The following DPY19L4 variants were observed in gnomAD, a reference collection of about 807,000 sequenced individuals.
DPY19L4 encodes the protein dpy-19 like 4, also known as probable C-mannosyltransferase DPY19L4.
DPY19L4 carries 97 observed loss-of-function variants against 102.8 expected under a neutral mutation model. That is an observed-to-expected ratio of 0.94 (90% CI 0.80 to 1.12). The LOEUF (loss-of-function observed/expected upper bound fraction) is 1.12. DPY19L4 is among the 50% of genes most tolerant of loss of function. The pLI is 0.00. For synonymous variants in DPY19L4, 252 were observed against 283.1 expected (o/e 0.89, Z 1.10); for missense variants, 815 against 850.4 (o/e 0.96, Z 0.52).
At chr8:94,761,571 CAA>C in intron 7 of DPY19L4, 127 bp from the exon 8 acceptor site, 2 of 793,394 alleles carry the variant, frequency 2.5e-6, no homozygotes, top group Non-Finnish European at 1.7e-6. Context: ...GATTTAAAAA[CAA>C]AGTTTCAATA....
At chr8:94,747,858 C>T (rs1811751157) in intron 6 of DPY19L4, among the ~76,000 whole-genome samples, 1 of 152,036 alleles carries the variant, frequency 6.6e-6, no homozygotes, top group Admixed American at 6.6e-5. Context: ...CCGCGCTGGG[C>T]CTATACTATG....
chr8:94,722,696 GTTTA>G (rs774686092), intron 1 of DPY19L4, among the ~76,000 whole-genome samples: 3 of 152,058 alleles, frequency 2.0e-5, no homozygotes, highest in Non-Finnish European at 4.4e-5. Context: ...AGTGTTTTAT[GTTTA>G]TTTGTCACTC....
In DPY19L4 at chr8:94,791,580, C is replaced by T. The variant is rs1813888879; in HGVS notation, c.*1670C>T. On this transcript the variant is annotated 3_prime_UTR_variant, in exon 19 of 19. Coordinates refer to ENST00000414645, the MANE Select transcript of DPY19L4 (RefSeq NM_181787.3). ...ATATAACCATAGTTACCTAAGCACA[C>T]AGTGAATAGTCACATGGTAGTACTT... 6.6e-6 allele frequency: 1 copy of T among 152,010 alleles called. No homozygotes were observed. The highest frequency in any genetic ancestry group is 2.1e-4 in the South Asian group (1 of 4,826). 9.4% of individuals were successfully genotyped at this position (152,010 alleles called of 1,614,324 possible). A position where few individuals can be genotyped will look rare whatever the true frequency, so the allele number is the denominator to read the frequency against.
rs957562205 is a variant in DPY19L4, at chr8:94,726,116, T to A, written c.17-215T>A. Among the ~76,000 whole-genome samples, 8 of 152,324 alleles carry A rather than the reference T, an allele frequency of 5.3e-5. No individual in the cohort carries two copies. In the East Asian group the frequency reaches 1.2e-3, roughly 22 times the overall value. Reference sequence around the variant, plus strand: ...GAGCACATTGGTTTACTATTAGGATTGTCAAAACACAGATTGGGAAGTGGA... The same window carrying A: ...GAGCACATTGGTTTACTATTAGGATAGTCAAAACACAGATTGGGAAGTGGA... On this transcript the variant is annotated intron_variant, in intron 1 of 18. Coordinates refer to ENST00000414645, the MANE Select transcript of DPY19L4 (RefSeq NM_181787.3).
At chr8:94,724,285 C>T (rs979668077) in intron 1 of DPY19L4, among the ~76,000 whole-genome samples, 2 of 152,204 alleles carry the variant, frequency 1.3e-5, no homozygotes, top group African/African-American at 2.4e-5. Context: ...AATGCTATTA[C>T]GTGATTAATC....
At chr8:94,733,552 A>AT (rs1472565069) in intron 2 of DPY19L4, among the ~76,000 whole-genome samples, 3 of 149,340 alleles carry the variant, frequency 2.0e-5, no homozygotes, top group South Asian at 2.1e-4. Flanking sequence ...GTATTTTATT[A>AT]TTTTTTTGAG....
At chr8:94,759,856 T>C (rs1313295905) in intron 7 of DPY19L4, among the ~76,000 whole-genome samples, 1 of 152,244 alleles carries the variant, frequency 6.6e-6, no homozygotes, top group Non-Finnish European at 1.5e-5. Context: ...TTCTTGAGGC[T>C]AAGTTTCGTG....
intron 18 of DPY19L4, among the ~76,000 whole-genome samples, chr8:94,788,499 A>G (rs1415587080): frequency 3.3e-5 from 5 of 152,240 alleles, no homozygotes; most frequent in Admixed American, 3.3e-4. Flanking sequence ...GTGCCTGTAC[A>G]TTGAGTCCCT....
chr8:94,759,307 A>T (rs1812300344), intron 7 of DPY19L4, among the ~76,000 whole-genome samples: 1 of 151,810 alleles, frequency 6.6e-6, no homozygotes, highest in South Asian at 2.1e-4. Context: ...TACTTTTAGG[A>T]TCCTGCTGAT....
chr8:94,761,805 G>C lies in DPY19L4; in HGVS notation c.841G>C (p.Asp281His), dbSNP rs749646592. The change falls in exon 8 of 19, where the codon GAT (aspartate) becomes CAT (histidine). Residue 281 changes from aspartate to histidine, a missense_variant. Coordinates refer to ENST00000414645, the MANE Select transcript of DPY19L4 (RefSeq NM_181787.3). ...FLQAISLFLL[D>H]TFSVEQSDKV... The stretch of plus-strand genomic sequence containing the variant: ...TCAAGCAATATCTCTATTCCTGCTA[G>C]ATACCTTTTCAGTGGAGCAAAGTGA... The C allele has an allele frequency of 6.2e-7, 1 of 1,609,694 alleles. No individual in the cohort carries two copies.
At position 94,765,735 on chromosome 8, in the gene DPY19L4, G is replaced by A; in HGVS notation, c.1027G>A (p.Val343Ile). ...GCTGAATGTGAAGAAAGGAAGTTTTGTAGCTAAAATAATAAAAGTGATTAA... is the reference window on the plus strand; with the variant it reads ...GCTGAATGTGAAGAAAGGAAGTTTTATAGCTAAAATAATAAAAGTGATTAA... ...LQLNVKKGSF[V>I]AKIIKVINFY... Residue 343 changes from valine to isoleucine, a missense_variant, in exon 10 of 19, where the codon GTA (valine) becomes ATA (isoleucine). Coordinates refer to ENST00000414645, the MANE Select transcript of DPY19L4 (RefSeq NM_181787.3). The A allele has an allele frequency of 6.2e-7, 1 of 1,602,416 alleles. No individual in the cohort carries two copies. The highest frequency in any genetic ancestry group is 8.5e-7 in the Non-Finnish European group (1 of 1,172,348).
In DPY19L4 at chr8:94,760,998, G is replaced by GA. The variant is rs951749162; in HGVS notation, c.736-696dup. 2.3e-4 allele frequency among the ~76,000 whole-genome samples: 35 copies of GA among 152,230 alleles called. 1 individual carries two copies. The highest frequency in any genetic ancestry group is 8.5e-4 in the Admixed American group (13 of 15,296). ...GATAATACTTCTGTTGACAGGAAAT[G>GA]AAAAAAGCAAAGACATGGGCTGTGG... is the stretch of plus-strand genomic sequence containing the variant. On this transcript the variant is annotated intron_variant, in intron 7 of 18. Coordinates refer to ENST00000414645, the MANE Select transcript of DPY19L4 (RefSeq NM_181787.3).
chr8:94,734,349 C>T (rs1811103630), intron 2 of DPY19L4, among the ~76,000 whole-genome samples: 1 of 152,124 alleles, frequency 6.6e-6, no homozygotes, highest in South Asian at 2.1e-4. Context: ...TTTTCTGTCC[C>T]AGTATCCCAT....
rs1483581390 is a variant in DPY19L4 at position 94,765,785 on chromosome 8, A to G, written c.1077A>G (p.Thr359=). The change falls in exon 10 of 19, where the codon ACA becomes ACG. Residue 359 remains threonine (T), a synonymous_variant. Coordinates refer to ENST00000414645, the MANE Select transcript of DPY19L4 (RefSeq NM_181787.3). ...ATTTTTACTTGGTGTGTACTCTGACAATAACATTGAATATTATAATGAAGG... is the reference window on the plus strand; with the variant it reads ...ATTTTTACTTGGTGTGTACTCTGACGATAACATTGAATATTATAATGAAGG... ...VINFYLVCTL[T]ITLNIIMKMF... is the part of the protein sequence containing the mutation. The G allele has an allele frequency of 1.6e-5, 25 of 1,564,322 alleles. No individual in the cohort carries two copies. Among genetic ancestry groups the G allele is most frequent in the East Asian group, 1.4e-4 (6 of 44,436 alleles).
chr8:94,750,725 A>AC (rs1165138783), intron 6 of DPY19L4, among the ~76,000 whole-genome samples: 8 of 152,074 alleles, frequency 5.3e-5, no homozygotes, highest in African/African-American at 1.9e-4. Flanking sequence ...ATTTGAATAT[A>AC]CCCACAAAAT....
intron 1 of DPY19L4, 176 bp downstream of exon 1, chr8:94,720,190 G>A (rs915646143): frequency 6.1e-6 from 6 of 985,398 alleles, no homozygotes. Flanking sequence ...ATTCAGGAGA[G>A]CGGAGCAAAT....
chr8:94,747,315 A>C (rs1298747792), intron 6 of DPY19L4, among the ~76,000 whole-genome samples: 1 of 151,756 alleles, frequency 6.6e-6, no homozygotes, highest in Non-Finnish European at 1.5e-5. Context: ...AGCCTCCCAA[A>C]GTGTTGGGAT....
intron 2 of DPY19L4, among the ~76,000 whole-genome samples, chr8:94,728,575 C>G (rs1046279285): frequency 1.3e-5 from 2 of 152,164 alleles, no homozygotes; most frequent in African/African-American, 4.8e-5. Flanking sequence ...TGTGGGTAAT[C>G]TACAAATCTA....
chr8:94,767,460 A>C (rs2130893665), intron 11 of DPY19L4, among the ~76,000 whole-genome samples: 1 of 151,922 alleles, frequency 6.6e-6, no homozygotes, highest in Middle Eastern at 3.4e-3. Flanking sequence ...TGCCCGGCTA[A>C]TTTTTTGTAT....
Sources: allele counts gnomAD v4.1 joint callset (sites outside exome capture counted in the v4.1 genomes callset), GRCh38; gene constraint gnomAD v4.1.1; transcripts MANE v1.5; gene names NCBI Gene and HGNC (gene_info 2026-07-23, HGNC 2026-07-21).